ARMCX2: variants seen among roughly 807,000 people sequenced by gnomAD.
ARMCX2 encodes the protein armadillo repeat containing X-linked 2, also known as armadillo repeat-containing X-linked protein 2.
ARMCX2 carries 2 observed loss-of-function variants against 17.0 expected under a neutral mutation model. The observed-to-expected ratio is 0.12, with a 90% CI of 0.05 to 0.37. The LOEUF is 0.37. Among genes scored for constraint, ARMCX2 ranks in the 10% least tolerant of loss-of-function variants. The probability of loss-of-function intolerance (pLI) is 1.00; values close to 1 mark genes in which losing one functional copy is unlikely to be tolerated. For synonymous variants in ARMCX2, 182 were observed against 195.2 expected (o/e 0.93, Z 0.57); for missense variants, 408 against 497.7 (o/e 0.82, Z 1.72).
chrX:101,657,334 A>G lies in ARMCX2; in HGVS notation c.255T>C (p.Asp85=). The G allele has an allele frequency of 1.7e-6, 2 of 1,210,693 alleles. No homozygotes were observed. The highest frequency in any genetic ancestry group is 2.2e-6 in the Non-Finnish European group (2 of 894,547). The change falls in exon 6 of 6, where the codon GAT becomes GAC. Residue 85 remains aspartate (D), a synonymous_variant. Coordinates refer to ENST00000356824, the MANE Select transcript of ARMCX2 (RefSeq NM_177949.4). ...VRAEAEDRAQ[D]EASALDTVGA... is the part of the protein sequence containing the mutation. ...CAACTGTGTCCAGAGCAGAGGCTTC[A>G]TCCTGGGCCCTGTCCTCTGCTTCAG...
chrX:101,659,179 A>C (rs1556083329), intron 2 of ARMCX2, 31 bp from the exon 3 acceptor site: 1 of 110,249 alleles, frequency 9.1e-6, no homozygotes, highest in Non-Finnish European at 1.9e-5. Context: ...TTAATACCAG[A>C]TTCTCTCAGG....
At position 101,657,209 on chromosome X, in the gene ARMCX2, G is replaced by A; in HGVS notation, c.380C>T (p.Ala127Val). 8.4e-7 allele frequency: 1 copy of A among 1,195,148 alleles called. No individual in the cohort carries two copies. The highest frequency in any genetic ancestry group is 3.0e-5 in the East Asian group (1 of 33,515). Residue 127 changes from alanine (A) to valine (V), a missense_variant, in exon 6 of 6, where the codon GCC (alanine) becomes GTC (valine). Physicochemically the swap from Ala to Val is moderately conservative, Grantham distance 64 (BLOSUM62 0). Around this residue, in one of 2 missense-constraint regions of ARMCX2, gnomAD observed 307 missense variants for 326.8 expected, o/e 0.94. Transcript: ENST00000356824. ...CATTGCAGCCCCAACTACTGATTCG[G>A]CCTTAGGCCCAACCCCGGCTCCATC... ...EADGAGVGPKAESVVGAAMAS... is the reference protein window; with the variant it reads ...EADGAGVGPKVESVVGAAMAS...
rs1556057121 is a variant in ARMCX2, at chrX:101,656,677, T to C, written c.912A>G (p.Val304=). The change falls in exon 6 of 6, where the codon GTA becomes GTG. Residue 304 remains valine (V), a synonymous_variant. Coordinates refer to ENST00000356824, the MANE Select transcript of ARMCX2 (RefSeq NM_177949.4). Reference sequence around the variant, plus strand: ...GACGGAAGCCCATCCCCAGTTCGTCTACTTCAACTTTGCTTTTCTTGCCCT... The same window carrying C: ...GACGGAAGCCCATCCCCAGTTCGTCCACTTCAACTTTGCTTTTCTTGCCCT... ...KGKGKKSKVE[V]DELGMGFRPG... 1.7e-6 allele frequency: 2 copies of C among 1,211,171 alleles called. No homozygotes were observed. Among genetic ancestry groups the C allele is most frequent in the Middle Eastern group, 2.3e-4 (1 of 4,352 alleles).
chrX:101,655,991 G>A lies in ARMCX2; in HGVS notation c.1598C>T (p.Ser533Leu), dbSNP rs1556050051. The change falls in exon 6 of 6, where the codon TCG becomes TTG. Residue 533 changes from serine to leucine, a missense_variant. By Grantham distance (145) the Ser-to-Leu change is moderately radical (BLOSUM62 -2). This residue lies in a region of ARMCX2 where 101 missense variants were observed against 170.9 expected (regional missense o/e 0.59). Coordinates refer to ENST00000356824, the MANE Select transcript of ARMCX2 (RefSeq NM_177949.4). ...CATATCTGGATTTTCAGCAAAATTC[G>A]AAAGGATTTTCAAAATCTCAACCTT... ...KIKVEILKIL[S>L]NFAENPDMLK... 9.9e-6 allele frequency: 12 copies of A among 1,211,315 alleles called. No homozygotes were observed. The highest frequency in any genetic ancestry group is 5.9e-5 in the East Asian group (2 of 33,842).
rs1936221748 is a variant in ARMCX2 at position 101,655,689 on chromosome X, A to G, written c.*1T>C. The G allele has an allele frequency of 8.9e-7, 1 of 1,125,960 alleles. No homozygotes were observed. Among genetic ancestry groups the G allele is most frequent in the Non-Finnish European group, 1.2e-6 (1 of 850,976 alleles). The allele number at this position is 1,125,960 out of a possible 1,213,427, so 92.8% of individuals were successfully genotyped here. A position where few individuals can be genotyped will look rare whatever the true frequency, so the allele number is the denominator to read the frequency against. On this transcript the variant is annotated 3_prime_UTR_variant, in exon 6 of 6. Coordinates refer to ENST00000356824, the MANE Select transcript of ARMCX2 (RefSeq NM_177949.4). Reference sequence around the variant, plus strand: ...CAAGTCTTTTGACGGTACATAACCAATCAGAATTTGTTCACTAGTTTTATA... The same window carrying G: ...CAAGTCTTTTGACGGTACATAACCAGTCAGAATTTGTTCACTAGTTTTATA...
At chrX:101,659,561 G>C (rs1936537338) in intron 1 of ARMCX2, 60 bp from the exon 2 acceptor site, 1 of 110,708 alleles carries the variant, frequency 9.0e-6, no homozygotes. Context: ...CGGATTCTTC[G>C]TAAAGTCTAT....
Position 101,659,400 on chromosome X carries a change from C to T in ARMCX2, c.-336+19G>A, listed in dbSNP as rs1474777087. On this transcript the variant is annotated intron_variant, in intron 2 of 5. Transcript: ENST00000356824. ...AAATTGCATGCCCCACCCCCGCCTC[C>T]TGGTTACCCTTTCCCAACCTCCCTG... 9.1e-6 allele frequency: 1 copy of T among 109,815 alleles called. No individual in the cohort carries two copies. Among genetic ancestry groups the T allele is most frequent in the African/African-American group, 3.3e-5 (1 of 30,020 alleles). 9.0% of individuals were successfully genotyped at this position (109,815 alleles called of 1,213,427 possible). A position where few individuals can be genotyped will look rare whatever the true frequency, so the allele number is the denominator to read the frequency against.
Position 101,655,958 on chromosome X carries a change from T to C in ARMCX2, c.1631A>G (p.Lys544Arg). Reference protein sequence around the residue: ...NFAENPDMLKKLLSTQVPASF... With the variant: ...NFAENPDMLKRLLSTQVPASF... Reference sequence around the variant, plus strand: ...TGCTGGCACTTGGGTACTGAGAAGTTTCTTCAACATATCTGGATTTTCAGC... The same window carrying C: ...TGCTGGCACTTGGGTACTGAGAAGTCTCTTCAACATATCTGGATTTTCAGC... The change falls in exon 6 of 6, where the codon AAA becomes AGA. Residue 544 changes from lysine to arginine, a missense_variant. By Grantham distance (26) the Lys-to-Arg change is conservative. Around this residue, in one of 2 missense-constraint regions of ARMCX2, gnomAD observed 101 missense variants for 170.9 expected, o/e 0.59. Coordinates refer to ENST00000356824, the MANE Select transcript of ARMCX2 (RefSeq NM_177949.4). 1 of 1,211,593 alleles carries C rather than the reference T, an allele frequency of 8.3e-7. No homozygotes were observed. The highest frequency in any genetic ancestry group is 1.1e-6 in the Non-Finnish European group (1 of 895,316).
In ARMCX2 at chrX:101,655,432, T is replaced by C. The variant is rs1203812900; in HGVS notation, c.*258A>G. 1 of 217,319 alleles carries C rather than the reference T, an allele frequency of 4.6e-6. No individual in the cohort carries two copies. Among genetic ancestry groups the C allele is most frequent in the Non-Finnish European group, 8.3e-6 (1 of 120,649 alleles). 17.9% of individuals were successfully genotyped at this position (217,319 alleles called of 1,213,427 possible). A position where few individuals can be genotyped will look rare whatever the true frequency, so the allele number is the denominator to read the frequency against. Reference sequence around the variant, plus strand: ...AGAAGAACCAGTAAAAATATTTCTATCCAAGCAGCACGATTAAAGTCACAA... The same window carrying C: ...AGAAGAACCAGTAAAAATATTTCTACCCAAGCAGCACGATTAAAGTCACAA... On this transcript the variant is annotated 3_prime_UTR_variant, in exon 6 of 6. Transcript: ENST00000356824.
intron 3 of ARMCX2, 77 bp downstream of exon 3, chrX:101,658,999 C>G (rs782294363): frequency 2.7e-5 from 3 of 111,108 alleles, no homozygotes; most frequent in African/African-American, 9.8e-5. Flanking sequence ...AGATTTTCCA[C>G]GATTTCTCTG....
rs782185177 is a variant in ARMCX2 at position 101,656,823 on chromosome X, C to T, written c.766G>A (p.Ala256Thr). ...RTAVVPGTSA[A>T]KKATPGAHTG... ...TGAGCCCCAGGGGTTGCTTTCTTGG[C>T]AGCTGATGTTCCAGGAACCACCGCT... The change falls in exon 6 of 6, where the codon GCC (alanine) becomes ACC (threonine). Residue 256 changes from alanine (A) to threonine (T), a missense_variant. Ala to Thr is a moderately conservative substitution (Grantham distance 58). This residue lies in a region of ARMCX2 where 307 missense variants were observed against 326.8 expected (regional missense o/e 0.94). Transcript: ENST00000356824. 12 of 1,209,621 alleles carry T rather than the reference C, an allele frequency of 9.9e-6. No homozygotes were observed. The South Asian group carries it at 1.8e-4, about 18-fold the overall frequency.
rs1569385304 is a variant in ARMCX2 at position 101,657,663 on chromosome X, G to A, written c.-75C>T. 12 of 1,017,564 alleles carry A rather than the reference G, an allele frequency of 1.2e-5. No individual in the cohort carries two copies. The East Asian group carries it at 1.5e-4, about 13-fold the overall frequency. 83.9% of individuals were successfully genotyped at this position (1,017,564 alleles called of 1,213,427 possible). A position where few individuals can be genotyped will look rare whatever the true frequency, so the allele number is the denominator to read the frequency against. On this transcript the variant is annotated 5_prime_UTR_variant, in exon 6 of 6. Transcript: ENST00000356824. ...AAGGTTAAGGGATGCCTGCTCGTCCGGGTGAGGCTCTTCAGTTTAGGCTTA... is the reference window on the plus strand; with the variant it reads ...AAGGTTAAGGGATGCCTGCTCGTCCAGGTGAGGCTCTTCAGTTTAGGCTTA...
Position 101,656,044 on chromosome X carries a change from A to G in ARMCX2, c.1545T>C (p.Arg515=). ...LLVNSIANFF[R]LLSQGGGKIK... ...TTTTTCCACCTCCCTGAGATAGCAA[A>G]CGGAAAAAGTTTGCAATGGAATTGA... The change falls in exon 6 of 6, where the codon CGT becomes CGC. Residue 515 remains arginine (R), a synonymous_variant. Coordinates refer to ENST00000356824, the MANE Select transcript of ARMCX2 (RefSeq NM_177949.4). 1 of 1,210,256 alleles carries G rather than the reference A, an allele frequency of 8.3e-7. No homozygotes were observed. The highest frequency in any genetic ancestry group is 1.1e-6 in the Non-Finnish European group (1 of 894,404).
Position 101,656,799 on chromosome X carries a change from G to A in ARMCX2, c.790C>T (p.His264Tyr). ...GTGGCTTTCGGTATAGCCCCAGTGT[G>A]AGCCCCAGGGGTTGCTTTCTTGGCA... Reference protein sequence around the residue: ...SAAKKATPGAHTGAIPKATSA... With the variant: ...SAAKKATPGAYTGAIPKATSA... Residue 264 changes from histidine to tyrosine, a missense_variant, in exon 6 of 6, where the codon CAC (histidine) becomes TAC (tyrosine). Transcript: ENST00000356824. 8.3e-7 allele frequency: 1 copy of A among 1,211,489 alleles called. No homozygotes were observed. Among genetic ancestry groups the A allele is most frequent in the Non-Finnish European group, 1.1e-6 (1 of 895,457 alleles).
rs782095675 is a variant in ARMCX2, at chrX:101,656,919, C to T, written c.670G>A (p.Ala224Thr). The T allele has an allele frequency of 5.0e-6, 6 of 1,208,506 alleles. No homozygotes were observed. The highest frequency in any genetic ancestry group is 4.4e-5 in the Admixed American group (2 of 45,728). Reference protein sequence around the residue: ...PTEAAEAPVPATPTGAAAPTG... With the variant: ...PTEAAEAPVPTTPTGAAAPTG... The stretch of plus-strand genomic sequence containing the variant: ...GGTGCTGCAGCCCCAGTAGGCGTTG[C>T]CGGCACAGGAGCCTCAGCTGCCTCG... Residue 224 changes from alanine to threonine, a missense_variant, in exon 6 of 6, where the codon GCA becomes ACA. By Grantham distance (58) the Ala-to-Thr change is moderately conservative (BLOSUM62 0). Transcript: ENST00000356824.
rs1556071796 is a variant in ARMCX2 at position 101,657,542 on chromosome X, A to G, written c.47T>C (p.Ile16Thr). 1.7e-6 allele frequency: 2 copies of G among 1,206,039 alleles called. No homozygotes were observed. Among genetic ancestry groups the G allele is most frequent in the Non-Finnish European group, 1.1e-6 (1 of 892,537 alleles). ...GACACAGTACCAGGCACCAGCCCCT[A>G]TCACTATCCCCGCCGCTACACAGCC... is the stretch of plus-strand genomic sequence containing the variant. ...DAGCVAAGIVIGAGAWYCVYK... is the reference protein window; with the variant it reads ...DAGCVAAGIVTGAGAWYCVYK... The change falls in exon 6 of 6, where the codon ATA becomes ACA. Residue 16 changes from isoleucine to threonine, a missense_variant. Ile to Thr is a moderately conservative substitution (Grantham distance 89). This residue lies in a region of ARMCX2 where 307 missense variants were observed against 326.8 expected (regional missense o/e 0.94). Coordinates refer to ENST00000356824, the MANE Select transcript of ARMCX2 (RefSeq NM_177949.4).
rs1556054073 is a variant in ARMCX2 at position 101,656,446 on chromosome X, C to G, written c.1143G>C (p.Glu381Asp). The part of the protein sequence containing the change: ...QKRPFPYEID[E>D]ILGVRDLRKV... The stretch of plus-strand genomic sequence containing the variant: ...TCCTGAGATCGCGGACACCCAGAAT[C>G]TCATCAATTTCATAAGGAAAGGGGC... The change falls in exon 6 of 6, where the codon GAG becomes GAC. Residue 381 changes from glutamate (E) to aspartate (D), a missense_variant. Glu to Asp is a conservative substitution (Grantham distance 45, BLOSUM62 2). Transcript: ENST00000356824. The G allele has an allele frequency of 1.1e-5, 13 of 1,211,031 alleles. No individual in the cohort carries two copies. Among genetic ancestry groups the G allele is most frequent in the Non-Finnish European group, 1.5e-5 (13 of 895,366 alleles).
At position 101,655,649 on chromosome X, in the gene ARMCX2, A is replaced by G; in HGVS notation, c.*41T>C. On this transcript the variant is annotated 3_prime_UTR_variant, in exon 6 of 6. Transcript: ENST00000356824. ...ATTTTCAACGCTTCCACACTGCAAA[A>G]TCATGAAATTTCTTCAAGTCTTTTG... The G allele has an allele frequency of 9.5e-7, 1 of 1,049,253 alleles. No individual in the cohort carries two copies. Among genetic ancestry groups the G allele is most frequent in the Non-Finnish European group, 1.3e-6 (1 of 792,126 alleles). The allele number at this position is 1,049,253 out of a possible 1,213,427, so 86.5% of individuals were successfully genotyped here. A position where few individuals can be genotyped will look rare whatever the true frequency, so the allele number is the denominator to read the frequency against.
Position 101,656,603 on chromosome X carries a change from T to C in ARMCX2, c.986A>G (p.Gln329Arg), listed in dbSNP as rs1556056547. 5.8e-6 allele frequency: 7 copies of C among 1,210,778 alleles called. No individual in the cohort carries two copies. The highest frequency in any genetic ancestry group is 6.7e-6 in the Non-Finnish European group (6 of 895,270). Residue 329 changes from glutamine to arginine, a missense_variant, in exon 6 of 6, where the codon CAG (glutamine) becomes CGG (arginine). By Grantham distance (43) the Gln-to-Arg change is conservative. Coordinates refer to ENST00000356824, the MANE Select transcript of ARMCX2 (RefSeq NM_177949.4). ...ATCAGGGACCTCTGCCAGGAAAGCC[T>C]GTCCGCCATTAGCAGAGGCTGCAGC... Reference protein sequence around the residue: ...AAAAASANGGQAFLAEVPDSE... With the variant: ...AAAAASANGGRAFLAEVPDSE...
Sources: allele counts gnomAD v4.1 joint callset, GRCh38; gene constraint gnomAD v4.1.1; regional missense constraint gnomAD v4.1.1; transcripts MANE v1.5; gene names NCBI Gene and HGNC (gene_info 2026-07-23, HGNC 2026-07-21).